CFAP299: variants seen among roughly 807,000 people sequenced by gnomAD.
CFAP299 encodes the protein cilia and flagella associated protein 299, also known as cilia- and flagella-associated protein 299.
Under a neutral mutation model 27.0 loss-of-function variants are expected in CFAP299, and 21 were observed. The observed-to-expected ratio is 0.78, with a 90% CI of 0.55 to 1.12. The LOEUF (loss-of-function observed/expected upper bound fraction) is 1.12, where lower values mean the gene tolerates loss of function less well. Ranked by LOEUF, CFAP299 falls within the 50% of genes most tolerant of loss-of-function variation. CFAP299 has a pLI of 0.00. For missense variants in CFAP299, 310 were observed against 276.6 expected, an observed-to-expected ratio of 1.12 and a Z score of -0.86; for synonymous variants, 104 against 98.1, an observed-to-expected ratio of 1.06 and a Z score of -0.36.
intron 2 of CFAP299, among the ~76,000 whole-genome samples, chr4:80,399,224 C>T (rs1725998224): frequency 6.6e-6 from 1 of 152,190 alleles, no homozygotes; most frequent in African/African-American, 2.4e-5. Flanking sequence ...GAAATAGGAA[C>T]ACTTTTGCAC....
At chr4:80,463,799 T>C (rs1177272410) in intron 2 of CFAP299, among the ~76,000 whole-genome samples, 1 of 152,084 alleles carries the variant, frequency 6.6e-6, no homozygotes, top group Non-Finnish European at 1.5e-5. Context: ...GGCCCACAAT[T>C]CAGTCCATAA....
intron 2 of CFAP299, among the ~76,000 whole-genome samples, chr4:80,478,537 T>C (rs1730395376): frequency 6.6e-6 from 1 of 152,054 alleles, no homozygotes; most frequent in South Asian, 2.1e-4. Context: ...TGAAAAACAA[T>C]ATTAAGCCTA....
At chr4:80,450,479 T>A (rs563327224) in intron 2 of CFAP299, among the ~76,000 whole-genome samples, 1 of 152,058 alleles carries the variant, frequency 6.6e-6, no homozygotes, top group African/African-American at 2.4e-5. Context: ...AAGCTCTAAA[T>A]CAAAGTACTA....
intron 3 of CFAP299, among the ~76,000 whole-genome samples, chr4:80,690,622 C>A (rs963242133): frequency 2.0e-5 from 3 of 152,044 alleles, no homozygotes; most frequent in African/African-American, 7.3e-5. Context: ...CCTAACATCA[C>A]AATTAAAAGA....
At chr4:80,782,373 T>C (rs993572160) in intron 3 of CFAP299, among the ~76,000 whole-genome samples, 3 of 151,738 alleles carry the variant, frequency 2.0e-5, no homozygotes, top group Non-Finnish European at 4.4e-5. Flanking sequence ...TATCATACTT[T>C]TAGTTATTTT....
At chr4:80,323,177 A>G in the CFAP299 span, among the ~76,000 whole-genome samples, 1 of 152,232 alleles carries the variant, frequency 6.6e-6, no homozygotes, top group Non-Finnish European at 1.5e-5. Context: ...GATCAGGTCA[A>G]TTGGTTCTGG....
At chr4:80,461,318 A>G (rs1468729871) in intron 2 of CFAP299, among the ~76,000 whole-genome samples, 3 of 152,220 alleles carry the variant, frequency 2.0e-5, no homozygotes, top group Non-Finnish European at 4.4e-5. Context: ...CACAAGAGAC[A>G]GCTTTACAGG....
chr4:80,791,904 T>G (rs911769739), intron 3 of CFAP299, among the ~76,000 whole-genome samples: 1 of 151,862 alleles, frequency 6.6e-6, no homozygotes, highest in Admixed American at 6.6e-5. Flanking sequence ...GCTATTCACA[T>G]GTGTTCTCAG....
chr4:80,372,952 T>C (rs1350212880), intron 2 of CFAP299, among the ~76,000 whole-genome samples: 1 of 152,210 alleles, frequency 6.6e-6, no homozygotes, highest in African/African-American at 2.4e-5. Flanking sequence ...TGAAGACACA[T>C]TAGTCTGTTC....
rs568814104 is a variant in CFAP299, at chr4:80,702,121, ATATT to A, written c.333+118944_333+118947del. ...AGTGATGCAGAAGAAATGCATAAAT[ATATT>A]TATTTTTTATAATATCCTTTCAAAA... On this transcript the variant is annotated intron_variant, in intron 3 of 5. Transcript: ENST00000358105. 4.0e-3 allele frequency among the ~76,000 whole-genome samples: 613 copies of A among 151,994 alleles called. 4 individuals carry two copies. The highest frequency in any genetic ancestry group is 0.014 in the African/African-American group (596 of 41,522).
chr4:80,523,948 G>A (rs1163189049), intron 2 of CFAP299, among the ~76,000 whole-genome samples: 1 of 151,940 alleles, frequency 6.6e-6, no homozygotes, highest in Non-Finnish European at 1.5e-5. Flanking sequence ...AAGAGAACAT[G>A]TTAACAAGAA....
intron 3 of CFAP299, among the ~76,000 whole-genome samples, chr4:80,741,157 C>G (rs1232350148): frequency 6.6e-6 from 1 of 151,108 alleles, no homozygotes; most frequent in African/African-American, 2.5e-5. Context: ...CTGTTTCACT[C>G]CTGAACAGAG....
At chr4:80,672,661 A>C (rs186499852) in intron 3 of CFAP299, among the ~76,000 whole-genome samples, 5 of 152,276 alleles carry the variant, frequency 3.3e-5, no homozygotes, top group Admixed American at 3.3e-4. Flanking sequence ...TTGGCTATTA[A>C]TTATTGCCTC....
chr4:80,497,534 A>G (rs1731514024), intron 2 of CFAP299, among the ~76,000 whole-genome samples: 2 of 152,176 alleles, frequency 1.3e-5, no homozygotes, highest in Non-Finnish European at 2.9e-5. Context: ...CACATATTAT[A>G]GAAAAATGAG....
At chr4:80,387,511 G>T in intron 2 of CFAP299, 1 of 832,340 alleles carries the variant, frequency 1.2e-6, no homozygotes. Flanking sequence ...CTGGAGCTGT[G>T]GCGAGCTTGG....
chr4:80,833,170 G>T (rs1312592381), intron 3 of CFAP299, among the ~76,000 whole-genome samples: 1 of 151,916 alleles, frequency 6.6e-6, no homozygotes, highest in Non-Finnish European at 1.5e-5. Flanking sequence ...ACTAAAAGTG[G>T]ATCAAATATT....
intron 1 of CFAP299, among the ~76,000 whole-genome samples, chr4:80,338,291 G>T (rs1050111540): frequency 5.9e-5 from 9 of 151,836 alleles, no homozygotes; most frequent in Admixed American, 5.3e-4. Context: ...TCATTTTTTT[G>T]TGGTGAGAAC....
chr4:80,799,197 A>AATATATATAAATATTGTATAAAT lies in CFAP299; in HGVS notation c.334-70792_334-70791insATATAAATATTGTATAAATATAT, dbSNP rs1560416049. Among the ~76,000 whole-genome samples, 25 of 120,070 alleles carry AATATATATAAATATTGTATAAAT rather than the reference A, an allele frequency of 2.1e-4. 1 individual carries two copies. Among genetic ancestry groups the AATATATATAAATATTGTATAAAT allele is most frequent in the African/African-American group, 7.9e-4 (24 of 30,382 alleles). The allele number at this position is 120,070 out of a possible 152,430, so 78.8% of individuals were successfully genotyped here. A position where few individuals can be genotyped will look rare whatever the true frequency, so the allele number is the denominator to read the frequency against. ...ATATATTGTATAAATATATTTATAT[A>AATATATATAAATATTGTATAAAT]ATATTTATATATATATTGTATAAAT... On this transcript the variant is annotated intron_variant, in intron 3 of 5. Transcript: ENST00000358105.
intron 2 of CFAP299, among the ~76,000 whole-genome samples, chr4:80,532,990 A>G (rs1394465149): frequency 1.3e-5 from 2 of 152,152 alleles, no homozygotes; most frequent in African/African-American, 4.8e-5. Context: ...TACTAAAAAC[A>G]TCTTGATAAT....
Sources: allele counts gnomAD v4.1 joint callset (sites outside exome capture counted in the v4.1 genomes callset), GRCh38; gene constraint gnomAD v4.1.1; transcripts MANE v1.5; gene names NCBI Gene and HGNC (gene_info 2026-07-23, HGNC 2026-07-21).